The following POLD1 variants were observed in gnomAD, a reference collection of about 807,000 sequenced individuals.
POLD1 encodes the protein DNA polymerase delta catalytic subunit.
POLD1 carries 79 observed loss-of-function variants against 129.7 expected under a neutral mutation model. That is an observed-to-expected ratio of 0.61 (90% CI 0.51 to 0.73). The LOEUF is 0.73. Among genes scored for constraint, POLD1 ranks in the 30% least tolerant of loss-of-function variants. POLD1 has a pLI of 0.00. For missense variants in POLD1, 1,338 were observed against 1,595.8 expected (o/e 0.84, Z 2.75); for synonymous variants, 714 against 683.3 (o/e 1.04, Z -0.70).
rs3219376 is a variant in POLD1, at chr19:50,402,397, C to T, written c.758+24C>T. ...CGGTACGGCCTCTGCCTCACTTCTC[C>T]GGCCTCTATCCCCACCCTCGGGCAG... On this transcript the variant is annotated intron_variant, in intron 6 of 26. Coordinates refer to ENST00000440232, the MANE Select transcript of POLD1 (RefSeq NM_002691.4). 1.5e-5 allele frequency: 25 copies of T among 1,613,528 alleles called. 1 individual carries two copies. The highest frequency in any genetic ancestry group is 1.6e-4 in the Middle Eastern group (1 of 6,082).
chr19:50,392,864 T>C (rs934038735), intron 1 of POLD1, among the ~76,000 whole-genome samples: 9 of 152,400 alleles, frequency 5.9e-5, no homozygotes, highest in Admixed American at 1.3e-4. Context: ...AGTGCACCAC[T>C]GTGCATCTTG....
intron 1 of POLD1, among the ~76,000 whole-genome samples, chr19:50,384,616 G>C (rs1012915654): frequency 6.6e-6 from 1 of 151,936 alleles, no homozygotes; most frequent in African/African-American, 2.4e-5. Context: ...CGCATGCGCC[G>C]GGCACCGTGG....
intron 1 of POLD1, among the ~76,000 whole-genome samples, chr19:50,396,509 G>A (rs3219356): frequency 0.031 from 4,729 of 151,422 alleles, 248 homozygotes; most frequent in African/African-American, 0.11. Context: ...ATGGAGTCTC[G>A]CTCTGTTGCC....
rs1356659212 is a variant in POLD1 at position 50,402,632 on chromosome 19, G to T, written c.861G>T (p.Glu287Asp). 3.8e-6 allele frequency: 6 copies of T among 1,576,922 alleles called. No individual in the cohort carries two copies. The highest frequency in any genetic ancestry group is 5.2e-6 in the Non-Finnish European group (6 of 1,160,586). Residue 287 changes from glutamate to aspartate, a missense_variant, in exon 8 of 27, where the codon GAG (glutamate) becomes GAT (aspartate). Glu to Asp is a conservative substitution (Grantham distance 45, BLOSUM62 2). Transcript: ENST00000440232. Reference sequence around the variant, plus strand: ...CACAGGCTACGCAGTGCCAGCTGGAGGCGGACGTGCTGTGGTCTGACGTGG... The same window carrying T: ...CACAGGCTACGCAGTGCCAGCTGGATGCGGACGTGCTGTGGTCTGACGTGG... ...LKEKATQCQL[E>D]ADVLWSDVVS...
chr19:50,390,917 C>T (rs1219300273), intron 1 of POLD1, among the ~76,000 whole-genome samples: 3 of 152,150 alleles, frequency 2.0e-5, no homozygotes, highest in Non-Finnish European at 4.4e-5. Flanking sequence ...TAACAGCATC[C>T]CAAGGCAGAA....
At chr19:50,389,707 C>T (rs1457202353) in intron 1 of POLD1, among the ~76,000 whole-genome samples, 1 of 151,794 alleles carries the variant, frequency 6.6e-6, no homozygotes, top group African/African-American at 2.4e-5. Context: ...TTGCCTCAGC[C>T]TCCCGAATAG....
intron 1 of POLD1, among the ~76,000 whole-genome samples, chr19:50,386,958 C>T (rs1043407707): frequency 3.9e-5 from 6 of 152,074 alleles, no homozygotes; most frequent in Admixed American, 3.3e-4. Context: ...TTTGGGAGGC[C>T]GAGGCGGGCA....
intron 17 of POLD1, among the ~76,000 whole-genome samples, chr19:50,410,704 T>G (rs1673037): frequency 0.2 from 31,161 of 152,016 alleles, 6,134 homozygotes; most frequent in African/African-American, 0.51. Context: ...TCCTCCCAGT[T>G]TTGATGCGTG....
chr19:50,407,336 G>A lies in POLD1; in HGVS notation c.1696G>A (p.Glu566Lys), dbSNP rs372429157. Residue 566 changes from glutamate to lysine, a missense_variant, in exon 14 of 27, where the codon GAG becomes AAG. Coordinates refer to ENST00000440232, the MANE Select transcript of POLD1 (RefSeq NM_002691.4). ...VSQLLRQAMH[E>K]GLLMPVVKSE... ...CCTTCTCCCCTCCCAGGCCATGCAC[G>A]AGGGGCTGCTGATGCCCGTGGTGAA... 7.3e-5 allele frequency: 118 copies of A among 1,612,564 alleles called. No individual in the cohort carries two copies. Among genetic ancestry groups the A allele is most frequent in the Non-Finnish European group, 9.2e-5 (109 of 1,179,328 alleles).
At chr19:50,408,112 G>A (rs904295761) in intron 14 of POLD1, among the ~76,000 whole-genome samples, 10 of 151,428 alleles carry the variant, frequency 6.6e-5, no homozygotes, top group South Asian at 6.2e-4. Flanking sequence ...CAAGGCAGGC[G>A]GATCACAAGT....
At chr19:50,403,402 C>T in intron 9 of POLD1, 91 bp from the exon 10 acceptor site, 8 of 1,205,138 alleles carry the variant, frequency 6.6e-6, no homozygotes, top group Non-Finnish European at 9.8e-6. Flanking sequence ...GCAGGATTTT[C>T]AGGGGTGGCT....
chr19:50,398,750 G>T, intron 1 of POLD1, 101 bp from the exon 2 acceptor site: 1 of 1,517,174 alleles, frequency 6.6e-7, no homozygotes. Flanking sequence ...GTCCAGAGTA[G>T]GAAAAGGCTC....
rs764023083 is a variant in POLD1 at position 50,403,512 on chromosome 19, G to A, written c.1157G>A (p.Arg386His). 2.1e-5 allele frequency: 34 copies of A among 1,613,434 alleles called. No homozygotes were observed. The highest frequency in any genetic ancestry group is 1.6e-4 in the Middle Eastern group (1 of 6,084). The change falls in exon 10 of 27, where the codon CGT (arginine) becomes CAT (histidine). Residue 386 changes from arginine to histidine, a missense_variant. Arg to His is a conservative substitution (Grantham distance 29). This residue lies in a region of POLD1 where 720 missense variants were observed against 1,002.6 expected (regional missense o/e 0.72). Transcript: ENST00000440232. ...DLLQAWSTFI[R>H]IMDPDVITGY... ...CCCCAGGCCTGGTCCACCTTCATCCGTATCATGGACCCCGACGTGATCACC... is the reference window on the plus strand; with the variant it reads ...CCCCAGGCCTGGTCCACCTTCATCCATATCATGGACCCCGACGTGATCACC...
At chr19:50,389,700 C>G (rs911280169) in intron 1 of POLD1, among the ~76,000 whole-genome samples, 8 of 151,596 alleles carry the variant, frequency 5.3e-5, no homozygotes, top group Admixed American at 2.0e-4. Context: ...CATTCTCTTG[C>G]CTCAGCCTCC....
At position 50,417,156 on chromosome 19, in the gene POLD1, C is replaced by T. The variant is rs1468404401; in HGVS notation, c.3121-16C>T. 1 of 1,583,508 alleles carries T rather than the reference C, an allele frequency of 6.3e-7. No homozygotes were observed. The highest frequency in any genetic ancestry group is 8.6e-7 in the Non-Finnish European group (1 of 1,164,988). On this transcript the variant is annotated splice_polypyrimidine_tract_variant and intron_variant, in intron 25 of 26. Coordinates refer to ENST00000440232, the MANE Select transcript of POLD1 (RefSeq NM_002691.4). Reference sequence around the variant, plus strand: ...GGGGAGGCGGGGGCGCCCTGCTCAGCCGCTGCCGTCCCCAGGTATCCCATC... The same window carrying T: ...GGGGAGGCGGGGGCGCCCTGCTCAGTCGCTGCCGTCCCCAGGTATCCCATC...
intron 1 of POLD1, among the ~76,000 whole-genome samples, chr19:50,396,148 G>A (rs1413790679): frequency 1.0e-4 from 15 of 149,678 alleles, no homozygotes; most frequent in East Asian, 2.0e-4. Context: ...GTGCAGTGGC[G>A]CGATCTCGGC....
chr19:50,392,102 G>A (rs2038196003), intron 1 of POLD1, among the ~76,000 whole-genome samples: 1 of 151,846 alleles, frequency 6.6e-6, no homozygotes, highest in African/African-American at 2.4e-5. Flanking sequence ...GACATGTCTT[G>A]CTCTCTTGCC....
chr19:50,390,805 CTGTT>C (rs1026214952), intron 1 of POLD1, among the ~76,000 whole-genome samples: 19 of 152,110 alleles, frequency 1.2e-4, no homozygotes, highest in Non-Finnish European at 2.5e-4. Flanking sequence ...CTTCAAGCAT[CTGTT>C]TAACAAAGCA....
intron 1 of POLD1, among the ~76,000 whole-genome samples, chr19:50,394,510 G>T (rs1332707791): frequency 6.6e-6 from 1 of 151,986 alleles, no homozygotes; most frequent in African/African-American, 2.4e-5. Flanking sequence ...AAAAAAATTA[G>T]CGGGTATGAT....
Sources: allele counts gnomAD v4.1 joint callset (sites outside exome capture counted in the v4.1 genomes callset), GRCh38; gene constraint gnomAD v4.1.1; regional missense constraint gnomAD v4.1.1; transcripts MANE v1.5; gene names NCBI Gene and HGNC (gene_info 2026-07-23, HGNC 2026-07-21).